The following SLC24A2 variants were observed in gnomAD, a reference collection of about 807,000 sequenced individuals.
The protein encoded by SLC24A2 is sodium/potassium/calcium exchanger 2.
Under a neutral mutation model 62.0 loss-of-function variants are expected in SLC24A2, and 36 were observed. That is an observed-to-expected ratio of 0.58 (90% CI 0.44 to 0.77). The LOEUF is 0.77. Ranked by LOEUF, SLC24A2 falls within the 30% of genes least tolerant of loss-of-function variation. The pLI is 0.00. For missense variants in SLC24A2, 846 were observed against 817.9 expected, an observed-to-expected ratio of 1.03 and a Z score of -0.42; for synonymous variants, 358 against 294.0, an observed-to-expected ratio of 1.22 and a Z score of -2.23.
At chr9:19,910,094 G>T in the SLC24A2 span, among the ~76,000 whole-genome samples, 3 of 152,064 alleles carry the variant, frequency 2.0e-5, no homozygotes, top group Non-Finnish European at 4.4e-5. Context: ...GAAATGTATA[G>T]TCTAGCGTCA....
At chr9:19,973,089 G>A in the SLC24A2 span, among the ~76,000 whole-genome samples, 25 of 152,174 alleles carry the variant, frequency 1.6e-4, no homozygotes, top group African/African-American at 5.3e-4. Flanking sequence ...TGTAGTCCCA[G>A]CTACTCGGGA....
chr9:20,306,043 A>C, the SLC24A2 span, among the ~76,000 whole-genome samples: 1 of 151,962 alleles, frequency 6.6e-6, no homozygotes, highest in African/African-American at 2.4e-5. Context: ...TAAATAACTA[A>C]CCTCTTTAAA....
chr9:19,869,182 T>C, the SLC24A2 span, among the ~76,000 whole-genome samples: 1 of 152,154 alleles, frequency 6.6e-6, no homozygotes. Flanking sequence ...GGTCTCCCTA[T>C]GTTACCTAGG....
chr9:20,113,603 T>G, the SLC24A2 span, among the ~76,000 whole-genome samples: 1 of 152,216 alleles, frequency 6.6e-6, no homozygotes, highest in Non-Finnish European at 1.5e-5. Context: ...TTATAAAAAT[T>G]TGTAAAATAT....
At chr9:19,581,565 G>C (rs1161058954) in intron 5 of SLC24A2, among the ~76,000 whole-genome samples, 1 of 152,164 alleles carries the variant, frequency 6.6e-6, no homozygotes, top group African/African-American at 2.4e-5. Flanking sequence ...CTGATAAACA[G>C]CAAGTGCTTA....
the SLC24A2 span, among the ~76,000 whole-genome samples, chr9:19,909,267 G>C: frequency 1.3e-5 from 2 of 151,978 alleles, no homozygotes; most frequent in Non-Finnish European, 2.9e-5. Flanking sequence ...TCACTCATAG[G>C]TGGGAATTGA....
the SLC24A2 span, among the ~76,000 whole-genome samples, chr9:20,254,058 A>G: frequency 6.0e-4 from 92 of 152,332 alleles, no homozygotes; most frequent in African/African-American, 2.2e-3. Flanking sequence ...GAGAAGCAGA[A>G]GCAGAAAATA....
the SLC24A2 span, among the ~76,000 whole-genome samples, chr9:19,839,619 A>C: frequency 6.6e-6 from 1 of 152,216 alleles, no homozygotes; most frequent in South Asian, 2.1e-4. Context: ...CAAAATCTGA[A>C]TTCGTTTGAA....
At chr9:19,881,027 T>A in the SLC24A2 span, among the ~76,000 whole-genome samples, 4 of 152,164 alleles carry the variant, frequency 2.6e-5, no homozygotes, top group East Asian at 7.7e-4. Flanking sequence ...GAGTTGAGGA[T>A]CATAATAGAA....
chr9:20,063,384 T>A, the SLC24A2 span, among the ~76,000 whole-genome samples: 1 of 150,506 alleles, frequency 6.6e-6, no homozygotes, highest in African/African-American at 2.4e-5. Context: ...CAGTAAACTA[T>A]TGCAAGAACA....
Position 19,786,117 on chromosome 9 carries a change from G to T in SLC24A2, c.750C>A (p.Ile250=). ...TATCCAGGAAAAATATGATCAGCAT[G>T]ATCAAGTCAACAATGTAGAAAGACA... ...RDVSFYIVDL[I]MLIIFFLDNV... The change falls in exon 2 of 11, where the codon ATC becomes ATA. Residue 250 remains isoleucine, a synonymous_variant. Coordinates refer to ENST00000341998, the MANE Select transcript of SLC24A2 (RefSeq NM_020344.4). The surrounding 1 kb of genome is among the most constrained non-coding windows in gnomAD (Gnocchi z 5.0). 2 of 1,614,144 alleles carry T rather than the reference G, an allele frequency of 1.2e-6. No individual in the cohort carries two copies. Among genetic ancestry groups the T allele is most frequent in the South Asian group, 1.1e-5 (1 of 91,074 alleles).
chr9:19,958,317 T>C, the SLC24A2 span, among the ~76,000 whole-genome samples: 1 of 152,080 alleles, frequency 6.6e-6, no homozygotes, highest in Non-Finnish European at 1.5e-5. Flanking sequence ...GATGTGACAA[T>C]TATGCTGACA....
the SLC24A2 span, among the ~76,000 whole-genome samples, chr9:20,290,844 A>T: frequency 6.6e-6 from 1 of 152,224 alleles, no homozygotes; most frequent in African/African-American, 2.4e-5. Context: ...CTCAGAGGCC[A>T]TTGCAACCTT....
chr9:19,730,112 T>G (rs1056464742), intron 2 of SLC24A2, among the ~76,000 whole-genome samples: 1 of 152,164 alleles, frequency 6.6e-6, no homozygotes, highest in Admixed American at 6.5e-5. Context: ...GCAGCACAGG[T>G]GTCTCCCTCA....
At chr9:20,229,554 G>A in the SLC24A2 span, among the ~76,000 whole-genome samples, 15 of 151,946 alleles carry the variant, frequency 9.9e-5, no homozygotes, top group East Asian at 1.9e-4. Context: ...CTAAGCAAGG[G>A]CCTGGGGATA....
chr9:20,042,617 T>A, the SLC24A2 span, among the ~76,000 whole-genome samples: 1 of 152,212 alleles, frequency 6.6e-6, no homozygotes, highest in African/African-American at 2.4e-5. Context: ...TCCAATATTC[T>A]CCTTTTCAGT....
the SLC24A2 span, among the ~76,000 whole-genome samples, chr9:19,875,908 G>C: frequency 5.0e-4 from 76 of 152,108 alleles, 1 homozygote; most frequent in Non-Finnish European, 9.8e-4. Context: ...ATTAACCAAG[G>C]CTTCTCCAGT....
intron 2 of SLC24A2, among the ~76,000 whole-genome samples, chr9:19,744,055 C>G (rs1234924927): frequency 6.6e-6 from 1 of 152,112 alleles, no homozygotes; most frequent in South Asian, 2.1e-4. Context: ...GGGGACCCCC[C>G]ACAGTATACC....
intron 2 of SLC24A2, among the ~76,000 whole-genome samples, chr9:19,664,426 T>G (rs1023656589): frequency 6.6e-6 from 1 of 152,168 alleles, no homozygotes; most frequent in Non-Finnish European, 1.5e-5. Context: ...ATGACACACA[T>G]GAAGTCTGAT....
Sources: allele counts gnomAD v4.1 joint callset (sites outside exome capture counted in the v4.1 genomes callset), GRCh38; gene constraint gnomAD v4.1.1; non-coding constraint Gnocchi (gnomAD v3.1); transcripts MANE v1.5; gene names NCBI Gene and HGNC (gene_info 2026-07-23, HGNC 2026-07-21).